The following CCDC171 variants were observed in gnomAD, a reference collection of about 807,000 sequenced individuals.
CCDC171 encodes the protein coiled-coil domain-containing protein 171.
In CCDC171, 177 loss-of-function variants were observed where a neutral mutation model predicts 168.2. The ratio of observed to expected loss-of-function variants is 1.05; its 90% CI spans 0.93 to 1.19. The LOEUF is 1.19. CCDC171 is among the 50% of genes most tolerant of loss of function. The pLI, the probability that CCDC171 is intolerant of heterozygous loss-of-function variation, is 0.00. For synonymous variants in CCDC171, 687 were observed against 540.8 expected (o/e 1.27, Z -3.75); for missense variants, 1,991 against 1,539.0 (o/e 1.29, Z -4.91).
chr9:15,738,991 C>T (rs944780994), intron 16 of CCDC171, among the ~76,000 whole-genome samples: 1 of 152,050 alleles, frequency 6.6e-6, no homozygotes, highest in Non-Finnish European at 1.5e-5. Context: ...GAGTATAGAG[C>T]ACTGTGACAG....
At chr9:15,580,637 T>C (rs2041036476) in intron 4 of CCDC171, among the ~76,000 whole-genome samples, 2 of 151,920 alleles carry the variant, frequency 1.3e-5, no homozygotes, top group Admixed American at 1.3e-4. Context: ...AAATGTTCAA[T>C]ATCACTAATT....
chr9:15,810,604 G>T (rs576449016), intron 21 of CCDC171, among the ~76,000 whole-genome samples: 27 of 152,332 alleles, frequency 1.8e-4, no homozygotes, highest in Middle Eastern at 3.4e-3. Context: ...CGGGCCGGCA[G>T]TGCTGGGGAA....
At chr9:15,897,826 C>G (rs527401707) in intron 24 of CCDC171, among the ~76,000 whole-genome samples, 1 of 152,104 alleles carries the variant, frequency 6.6e-6, no homozygotes, top group Non-Finnish European at 1.5e-5. Context: ...AACAAATAAA[C>G]AAACATCAAC....
intron 25 of CCDC171, among the ~76,000 whole-genome samples, chr9:15,963,312 C>T (rs919347159): frequency 4.0e-5 from 6 of 151,822 alleles, no homozygotes; most frequent in Non-Finnish European, 5.9e-5. Flanking sequence ...GCATGTGTAC[C>T]CTAAAACTTA....
intron 2 of CCDC171, among the ~76,000 whole-genome samples, chr9:15,568,422 C>G (rs1213847193): frequency 1.4e-5 from 2 of 145,362 alleles, no homozygotes; most frequent in Admixed American, 1.4e-4. Context: ...AGGTGCCCGC[C>G]ACCACGCCTG....
chr9:15,724,797 G>C lies in CCDC171; in HGVS notation c.1513G>C (p.Asp505His). 1 of 1,613,396 alleles carries C rather than the reference G, an allele frequency of 6.2e-7. No homozygotes were observed. Among genetic ancestry groups the C allele is most frequent in the Middle Eastern group, 1.7e-4 (1 of 5,976 alleles). Reference protein sequence around the residue: ...NIKELQDKLADVNKELSHLHT... With the variant: ...NIKELQDKLAHVNKELSHLHT... ...ACAGGAACTTCAGGATAAACTGGCTGATGTTAATAAAGAGTTAAGTCATTT... is the reference window on the plus strand; with the variant it reads ...ACAGGAACTTCAGGATAAACTGGCTCATGTTAATAAAGAGTTAAGTCATTT... The change falls in exon 14 of 26, where the codon GAT (aspartate) becomes CAT (histidine). Residue 505 changes from aspartate (D) to histidine (H), a missense_variant. Asp to His is a moderately conservative substitution (Grantham distance 81). Coordinates refer to ENST00000380701, the MANE Select transcript of CCDC171 (RefSeq NM_173550.4).
At chr9:15,961,275 A>T (rs541446677) in intron 25 of CCDC171, among the ~76,000 whole-genome samples, 1 of 152,144 alleles carries the variant, frequency 6.6e-6, no homozygotes, top group Admixed American at 6.6e-5. Context: ...GACATTAAAT[A>T]AAAAAGGTTT....
chr9:15,757,267 G>A (rs975592846), intron 18 of CCDC171, among the ~76,000 whole-genome samples: 24 of 152,182 alleles, frequency 1.6e-4, no homozygotes, highest in African/African-American at 4.6e-4. Flanking sequence ...GGACAATAAG[G>A]TCCAGGCTGA....
At chr9:15,858,584 T>G (rs767500737) in intron 23 of CCDC171, among the ~76,000 whole-genome samples, 15 of 152,066 alleles carry the variant, frequency 9.9e-5, no homozygotes, top group Non-Finnish European at 1.3e-4. Flanking sequence ...TATTTTTAAT[T>G]TCTTTTGCCA....
intron 23 of CCDC171, among the ~76,000 whole-genome samples, chr9:15,859,927 G>A (rs1057183766): frequency 4.6e-5 from 7 of 151,638 alleles, no homozygotes; most frequent in Non-Finnish European, 1.0e-4. Flanking sequence ...CTTGGCCACG[G>A]AAGTGCTGGG....
rs1005344543 is a variant in CCDC171, at chr9:15,950,229, A to G, written c.3754-21380A>G. Reference sequence around the variant, plus strand: ...GATATCATCCAGGAGAACTTCCCCAATCTAGCAAGGCAGGCCAACATTCAA... The same window carrying G: ...GATATCATCCAGGAGAACTTCCCCAGTCTAGCAAGGCAGGCCAACATTCAA... On this transcript the variant is annotated intron_variant, in intron 25 of 25. Transcript: ENST00000380701. 1.9e-4 allele frequency among the ~76,000 whole-genome samples: 27 copies of G among 141,476 alleles called. No homozygotes were observed. In the East Asian group the frequency reaches 2.3e-3, roughly 12 times the overall value. The allele number at this position is 141,476 out of a possible 152,430, so 92.8% of individuals were successfully genotyped here. A position where few individuals can be genotyped will look rare whatever the true frequency, so the allele number is the denominator to read the frequency against.
chr9:15,833,558 TTTA>T (rs1312706546), intron 21 of CCDC171, among the ~76,000 whole-genome samples: 1 of 152,220 alleles, frequency 6.6e-6, no homozygotes, highest in Non-Finnish European at 1.5e-5. Context: ...GCCAAAATAC[TTTA>T]TTAATACAAA....
chr9:16,073,409 T>C, the CCDC171 span, among the ~76,000 whole-genome samples: 5 of 152,222 alleles, frequency 3.3e-5, no homozygotes, highest in African/African-American at 9.6e-5. Flanking sequence ...CTGAAAGTTC[T>C]TTTTACAAGC....
At chr9:15,694,276 C>G (rs945809157) in intron 10 of CCDC171, among the ~76,000 whole-genome samples, 1 of 152,106 alleles carries the variant, frequency 6.6e-6, no homozygotes, top group African/African-American at 2.4e-5. Context: ...AGATGATTCC[C>G]AAACCTATAC....
chr9:15,969,227 A>G lies in CCDC171; in HGVS notation c.3754-2382A>G, dbSNP rs534411652. Among the ~76,000 whole-genome samples the G allele has an allele frequency of 6.1e-4, 93 of 152,330 alleles. 1 individual carries two copies. The highest frequency in any genetic ancestry group is 6.8e-3 in the Middle Eastern group (2 of 294). ...TCAGACGACATAGTGGAAAGTAGAC[A>G]TATTAGAAAAAGTAGGATGAGAAAA... On this transcript the variant is annotated intron_variant, in intron 25 of 25. Transcript: ENST00000380701.
chr9:15,703,286 A>C (rs2051922381), intron 11 of CCDC171, among the ~76,000 whole-genome samples: 1 of 152,330 alleles, frequency 6.6e-6, no homozygotes, highest in African/African-American at 2.4e-5. Flanking sequence ...AACATTCTCC[A>C]TATAGGTAAT....
intron 21 of CCDC171, among the ~76,000 whole-genome samples, chr9:15,793,309 C>G (rs1398968181): frequency 6.6e-6 from 1 of 151,874 alleles, no homozygotes; most frequent in Non-Finnish European, 1.5e-5. Context: ...TACAGGAGCA[C>G]CCAGATTCAT....
chr9:15,940,715 T>G (rs778039578), intron 25 of CCDC171, among the ~76,000 whole-genome samples: 3 of 151,970 alleles, frequency 2.0e-5, no homozygotes, highest in Non-Finnish European at 4.4e-5. Context: ...GCTCCTAATT[T>G]TGTGTGGTGG....
chr9:15,751,179 G>A (rs1356449315), intron 18 of CCDC171, among the ~76,000 whole-genome samples: 2 of 151,900 alleles, frequency 1.3e-5, no homozygotes, highest in African/African-American at 4.8e-5. Context: ...TGCACTTCCA[G>A]TTGCTACAAA....
Sources: allele counts gnomAD v4.1 joint callset (sites outside exome capture counted in the v4.1 genomes callset), GRCh38; gene constraint gnomAD v4.1.1; transcripts MANE v1.5; gene names NCBI Gene and HGNC (gene_info 2026-07-23, HGNC 2026-07-21).